Variants in RASGRF2 observed in about 807,000 individuals in gnomAD.
The protein encoded by RASGRF2 is ras-specific guanine nucleotide-releasing factor 2.
RASGRF2 carries 76 observed loss-of-function variants against 151.0 expected under a neutral mutation model. The ratio of observed to expected loss-of-function variants is 0.50; its 90% CI spans 0.42 to 0.61. The LOEUF is 0.61. RASGRF2 is among the 20% of genes least tolerant of loss of function. RASGRF2 has a pLI of 0.00. For missense variants in RASGRF2, 1,148 were observed against 1,564.6 expected (o/e 0.73, Z 4.49); for synonymous variants, 504 against 566.5 (o/e 0.89, Z 1.57).
chr5:80,972,640 C>T lies in RASGRF2; in HGVS notation c.288+11614C>T, dbSNP rs199991002. 2.0e-5 allele frequency among the ~76,000 whole-genome samples: 3 copies of T among 152,108 alleles called. No homozygotes were observed. In the East Asian group the frequency reaches 5.8e-4, roughly 29 times the overall value. ...GATTATAGGTGTGTGCCACCACACC[C>T]AGCTAATTTTTATGTTTTTAGTAAA... is the stretch of plus-strand genomic sequence containing the variant. On this transcript the variant is annotated intron_variant, in intron 1 of 26. Transcript: ENST00000265080.
intron 9 of RASGRF2, 82 bp from the exon 10 acceptor site, chr5:81,092,719 C>A: frequency 1.5e-6 from 2 of 1,315,796 alleles, no homozygotes; most frequent in Non-Finnish European, 2.1e-6. Context: ...GGGAAACAGA[C>A]CTTAGTGTTT....
At chr5:81,105,868 A>G (rs1752831961) in intron 12 of RASGRF2, among the ~76,000 whole-genome samples, 1 of 152,204 alleles carries the variant, frequency 6.6e-6, no homozygotes, top group Non-Finnish European at 1.5e-5. Flanking sequence ...TGTCCCCATC[A>G]GGATTAGTAA....
chr5:81,211,597 G>A (rs1755632518), intron 22 of RASGRF2, among the ~76,000 whole-genome samples: 1 of 152,208 alleles, frequency 6.6e-6, no homozygotes, highest in Non-Finnish European at 1.5e-5. Context: ...GAGGCACTAT[G>A]AGATCTTAAG....
In RASGRF2 at chr5:81,113,724, G is replaced by T. The variant is rs540132413; in HGVS notation, c.2274G>T (p.Leu758Phe). The change falls in exon 15 of 27, where the codon TTG becomes TTT. Residue 758 changes from leucine (L) to phenylalanine (F), a missense_variant. Physicochemically the swap from Leu to Phe is conservative, Grantham distance 22. Transcript: ENST00000265080. ...TSPLNSKIGA[L>F]DLTTSSSPTT... The stretch of plus-strand genomic sequence containing the variant: ...CCTTGAACTCAAAGATAGGAGCATT[G>T]GACCTGACAACTTCCAGCAGTCCCA... 23 of 1,613,822 alleles carry T rather than the reference G, an allele frequency of 1.4e-5. No homozygotes were observed. In the South Asian group the frequency reaches 2.5e-4, roughly 18 times the overall value.
intron 1 of RASGRF2, among the ~76,000 whole-genome samples, chr5:81,034,495 C>A (rs1750393939): frequency 6.6e-6 from 1 of 152,002 alleles, no homozygotes; most frequent in African/African-American, 2.4e-5. Flanking sequence ...AAGACACATG[C>A]ACACGTATGT....
chr5:80,995,187 C>T (rs1034829056), intron 1 of RASGRF2, among the ~76,000 whole-genome samples: 41 of 143,466 alleles, frequency 2.9e-4, no homozygotes, highest in African/African-American at 1.0e-3. Context: ...ACCTGGGAGG[C>T]GGAGTTTGCA....
chr5:81,038,998 A>G (rs1750597218), intron 1 of RASGRF2, among the ~76,000 whole-genome samples: 1 of 152,184 alleles, frequency 6.6e-6, no homozygotes, highest in Admixed American at 6.5e-5. Flanking sequence ...TTTTAATGCA[A>G]TCAACATTTT....
chr5:81,083,567 A>T (rs1752146701), intron 7 of RASGRF2, among the ~76,000 whole-genome samples: 1 of 152,240 alleles, frequency 6.6e-6, no homozygotes, highest in Admixed American at 6.5e-5. Flanking sequence ...CAGTAAAATT[A>T]TCCCCAGTTG....
At chr5:80,963,991 A>C (rs1003233116) in intron 1 of RASGRF2, among the ~76,000 whole-genome samples, 1 of 130,002 alleles carries the variant, frequency 7.7e-6, no homozygotes, top group African/African-American at 3.3e-5. Context: ...ACAACAACAA[A>C]AAAATCCGTT....
chr5:81,036,351 A>G (rs1262003101), intron 1 of RASGRF2, among the ~76,000 whole-genome samples: 1 of 152,076 alleles, frequency 6.6e-6, no homozygotes, highest in Non-Finnish European at 1.5e-5. Context: ...AATTATATCA[A>G]TAATTTTGGT....
rs180989568 is a variant in RASGRF2 at position 81,133,525 on chromosome 5, T to A, written c.2686+6362T>A. ...AATGCAAATTCAATGAATAAATATA[T>A]CAGAGCACATCATTGCACTTACTAT... On this transcript the variant is annotated intron_variant, in intron 17 of 26. Transcript: ENST00000265080. Among the ~76,000 whole-genome samples the A allele has an allele frequency of 6.6e-5, 10 of 152,342 alleles. No individual in the cohort carries two copies. The East Asian group carries it at 1.9e-3, about 29-fold the overall frequency.
chr5:81,150,032 G>A (rs1210812443), intron 17 of RASGRF2, among the ~76,000 whole-genome samples: 2 of 152,300 alleles, frequency 1.3e-5, no homozygotes, highest in African/African-American at 4.8e-5. Context: ...TTTAAGGAGG[G>A]AAATAAGGGG....
At chr5:81,218,724 A>G (rs937718707) in intron 25 of RASGRF2, among the ~76,000 whole-genome samples, 15 of 152,112 alleles carry the variant, frequency 9.9e-5, no homozygotes, top group African/African-American at 3.4e-4. Flanking sequence ...ATTTTGTCTA[A>G]TTCTGTGAAG....
At chr5:81,089,117 G>A (rs1171893685) in intron 9 of RASGRF2, among the ~76,000 whole-genome samples, 1 of 152,084 alleles carries the variant, frequency 6.6e-6, no homozygotes, top group Non-Finnish European at 1.5e-5. Context: ...CAGACAATTT[G>A]GAAAGTTTGC....
At chr5:81,210,085 ATC>A (rs1755597500) in intron 22 of RASGRF2, 1 of 152,358 alleles carries the variant, frequency 6.6e-6, no homozygotes, top group Non-Finnish European at 1.5e-5. Flanking sequence ...CTCCTGACTC[ATC>A]TCTCCCCTGC....
At position 81,113,809 on chromosome 5, in the gene RASGRF2, G is replaced by T; in HGVS notation, c.2359G>T (p.Asp787Tyr). ...ACCACACACTGGTCAGATACCACTG[G>T]ATCTCAGCAGAGGCCTCTCTTCTCC... is the stretch of plus-strand genomic sequence containing the variant. Reference protein sequence around the residue: ...PPPHTGQIPLDLSRGLSSPEQ... With the variant: ...PPPHTGQIPLYLSRGLSSPEQ... The change falls in exon 15 of 27, where the codon GAT becomes TAT. Residue 787 changes from aspartate (D) to tyrosine (Y), a missense_variant. Physicochemically the swap from Asp to Tyr is radical, Grantham distance 160. This residue lies in a region of RASGRF2 where 646 missense variants were observed against 807.4 expected (regional missense o/e 0.80). Coordinates refer to ENST00000265080, the MANE Select transcript of RASGRF2 (RefSeq NM_006909.3). 1 of 1,614,154 alleles carries T rather than the reference G, an allele frequency of 6.2e-7. No individual in the cohort carries two copies. The highest frequency in any genetic ancestry group is 8.5e-7 in the Non-Finnish European group (1 of 1,180,022).
At chr5:81,040,804 CT>C (rs1244713188) in intron 1 of RASGRF2, among the ~76,000 whole-genome samples, 3 of 152,146 alleles carry the variant, frequency 2.0e-5, no homozygotes, top group African/African-American at 7.2e-5. Flanking sequence ...TGGTTTACTG[CT>C]TTGCCATACT....
At chr5:81,000,596 C>G (rs758797466) in intron 1 of RASGRF2, among the ~76,000 whole-genome samples, 4 of 152,120 alleles carry the variant, frequency 2.6e-5, no homozygotes, top group Admixed American at 6.5e-5. Context: ...CGTACTAAGT[C>G]ATTAACAATA....
chr5:81,135,634 A>G (rs1753735689), intron 17 of RASGRF2, among the ~76,000 whole-genome samples: 1 of 152,206 alleles, frequency 6.6e-6, no homozygotes, highest in Non-Finnish European at 1.5e-5. Flanking sequence ...ACTGTGGAAT[A>G]GTATTCTATT....
Sources: allele counts gnomAD v4.1 joint callset (sites outside exome capture counted in the v4.1 genomes callset), GRCh38; gene constraint gnomAD v4.1.1; regional missense constraint gnomAD v4.1.1; transcripts MANE v1.5; gene names NCBI Gene and HGNC (gene_info 2026-07-23, HGNC 2026-07-21).